DGKK: variants seen among roughly 807,000 people sequenced by gnomAD.
The protein encoded by DGKK is diacylglycerol kinase kappa.
A neutral mutation model predicts 92.2 loss-of-function variants in DGKK; 35 were observed. The observed-to-expected ratio is 0.38, with a 90% confidence interval of 0.29 to 0.50. The LOEUF (loss-of-function observed/expected upper bound fraction) is 0.50. Ranked by LOEUF, DGKK falls within the 20% of genes least tolerant of loss-of-function variation. DGKK has a pLI of 0.92. For synonymous variants in DGKK, 368 were observed against 360.6 expected, an observed-to-expected ratio of 1.02 and a Z score of -0.23; for missense variants, 910 against 992.2, an observed-to-expected ratio of 0.92 and a Z score of 1.11.
At position 50,375,065 on chromosome X, in the gene DGKK, G is replaced by A. The variant is rs1557223673; in HGVS notation, c.3415-8C>T. On this transcript the variant is annotated splice_region_variant and splice_polypyrimidine_tract_variant and intron_variant, in intron 24 of 27. Transcript: ENST00000611977. ...ATCATTTCTGCTTAGAGTCTGAGAG[G>A]AAAAGAACGGAAAAGGAGAGAAAAA... 8.6e-7 allele frequency: 1 copy of A among 1,160,543 alleles called. No individual in the cohort carries two copies. Among genetic ancestry groups the A allele is most frequent in the Admixed American group, 2.2e-5 (1 of 45,136 alleles).
Position 50,470,197 on chromosome X carries a change from A to C in DGKK, c.482T>G (p.Leu161Arg). 1 of 1,211,797 alleles carries C rather than the reference A, an allele frequency of 8.3e-7. No homozygotes were observed. The highest frequency in any genetic ancestry group is 1.1e-6 in the Non-Finnish European group (1 of 895,406). The change falls in exon 1 of 28, where the codon CTG (leucine) becomes CGG (arginine). Residue 161 changes from leucine (L) to arginine (R), a missense_variant. By Grantham distance (102) the Leu-to-Arg change is moderately radical. Transcript: ENST00000611977. ...PEPTPEPVTE[L>R]APEFCPEAAP... is the part of the protein sequence containing the mutation. ...CGCCTCAGGGCAGAACTCTGGGGCC[A>C]GCTCTGTCACAGGTTCTGGGGTCGG...
intron 15 of DGKK, 116 bp from the exon 16 acceptor site, chrX:50,384,940 A>G: frequency 1.9e-6 from 1 of 539,845 alleles, no homozygotes. Flanking sequence ...TTGAACATTT[A>G]TCGAGCATCT....
intron 3 of DGKK, among the ~76,000 whole-genome samples, chrX:50,421,994 ATCT>A (rs1243084150): frequency 1.8e-5 from 2 of 112,061 alleles, no homozygotes; most frequent in Admixed American, 9.4e-5. Context: ...TCCCTAGAAA[ATCT>A]TCTGCTTTCT....
intron 1 of DGKK, among the ~76,000 whole-genome samples, chrX:50,425,783 T>C (rs782393891): frequency 3.6e-5 from 4 of 111,623 alleles, no homozygotes; most frequent in African/African-American, 6.5e-5. Flanking sequence ...TAAGATCTTG[T>C]GGGAAGGAGG....
intron 12 of DGKK, among the ~76,000 whole-genome samples, chrX:50,389,287 T>G (rs983130864): frequency 1.8e-5 from 2 of 112,307 alleles, no homozygotes; most frequent in Non-Finnish European, 3.8e-5. Flanking sequence ...ATAATTCTAT[T>G]TTTTGAGTAT....
chrX:50,447,710 T>C (rs1926401574), intron 1 of DGKK, among the ~76,000 whole-genome samples: 2 of 107,405 alleles, frequency 1.9e-5, no homozygotes, highest in African/African-American at 6.7e-5. Flanking sequence ...ATTTAACCAA[T>C]TTCTGTTATT....
rs782575302 is a variant in DGKK at position 50,404,175 on chromosome X, C to T, written c.952G>A (p.Ala318Thr). 2.5e-6 allele frequency: 3 copies of T among 1,204,105 alleles called. No homozygotes were observed. The highest frequency in any genetic ancestry group is 3.6e-5 in the South Asian group (2 of 55,288). ...CCAACAAGAAAAGGGTTGTTTTCTG[C>T]TGCAGGTATCTAAAATAAATAAACG... is the stretch of plus-strand genomic sequence containing the variant. ...QQGEIYKIPAAENNPFLVGMH... is the reference protein window; with the variant it reads ...QQGEIYKIPATENNPFLVGMH... Residue 318 changes from alanine to threonine, a missense_variant, in exon 5 of 28, where the codon GCA becomes ACA. Transcript: ENST00000611977.
At chrX:50,416,108 A>G (rs1925428411) in intron 4 of DGKK, among the ~76,000 whole-genome samples, 1 of 111,294 alleles carries the variant, frequency 9.0e-6, no homozygotes, top group East Asian at 2.8e-4. Flanking sequence ...ATGAGGATAC[A>G]ATCAGAAGAC....
chrX:50,404,087 C>G lies in DGKK; in HGVS notation c.1040G>C (p.Ser347Thr), dbSNP rs1569544534. The part of the protein sequence containing the change: ...RTQHCNVCRE[S>T]IPALSRDAII... ...GGCATCTCTAGATAAGGCAGGAATG[C>G]TCTCTCGACAAACATTGCAGTGCTG... The change falls in exon 5 of 28, where the codon AGC (serine) becomes ACC (threonine). Residue 347 changes from serine (S) to threonine (T), a missense_variant. Coordinates refer to ENST00000611977, the MANE Select transcript of DGKK (RefSeq NM_001013742.4). 8.3e-7 allele frequency: 1 copy of G among 1,211,163 alleles called. No individual in the cohort carries two copies. The highest frequency in any genetic ancestry group is 3.0e-5 in the East Asian group (1 of 33,814).
chrX:50,406,769 C>T (rs1326645937), intron 4 of DGKK, among the ~76,000 whole-genome samples: 1 of 112,167 alleles, frequency 8.9e-6, no homozygotes, highest in Admixed American at 9.4e-5. Flanking sequence ...CTTCTAGACT[C>T]TAAAACTGTG....
intron 8 of DGKK, among the ~76,000 whole-genome samples, chrX:50,393,700 G>A (rs1924761890): frequency 8.9e-6 from 1 of 111,879 alleles, no homozygotes; most frequent in Non-Finnish European, 1.9e-5. Context: ...GTAAAACTGT[G>A]AGGAAACTGA....
intron 1 of DGKK, among the ~76,000 whole-genome samples, chrX:50,437,591 T>G (rs892700847): frequency 1.8e-5 from 2 of 110,670 alleles, no homozygotes; most frequent in Non-Finnish European, 3.8e-5. Context: ...TGATAGCATA[T>G]CCAGAAGGGC....
intron 25 of DGKK, among the ~76,000 whole-genome samples, chrX:50,373,992 C>A (rs1924205720): frequency 8.9e-6 from 1 of 111,789 alleles, no homozygotes; most frequent in Non-Finnish European, 1.9e-5. Flanking sequence ...ATATACAACA[C>A]CCTGGAGAGG....
intron 1 of DGKK, among the ~76,000 whole-genome samples, chrX:50,444,183 GT>G (rs1926233707): frequency 9.0e-6 from 1 of 111,716 alleles, no homozygotes; most frequent in South Asian, 3.7e-4. Flanking sequence ...GCCCAAGAGT[GT>G]AATTGCTGGG....
At chrX:50,428,021 T>C (rs936748471) in intron 1 of DGKK, among the ~76,000 whole-genome samples, 4 of 110,213 alleles carry the variant, frequency 3.6e-5, no homozygotes. Context: ...AGTGGTTGTT[T>C]GAGTTCTTTA....
At chrX:50,400,552 T>C (rs1485441429) in intron 8 of DGKK, among the ~76,000 whole-genome samples, 1 of 112,167 alleles carries the variant, frequency 8.9e-6, no homozygotes, top group African/African-American at 3.2e-5. Context: ...TTCTGTAGCC[T>C]TCAGACACCT....
intron 1 of DGKK, among the ~76,000 whole-genome samples, chrX:50,435,626 T>C (rs1557230683): frequency 8.9e-6 from 1 of 111,916 alleles, no homozygotes; most frequent in African/African-American, 3.3e-5. Context: ...GTTGGTTCTG[T>C]TTGCTTCTTG....
At chrX:50,439,405 T>C (rs1557231110) in intron 1 of DGKK, among the ~76,000 whole-genome samples, 2 of 111,613 alleles carry the variant, frequency 1.8e-5, no homozygotes, top group African/African-American at 6.5e-5. Context: ...AAAATACACA[T>C]AATGGCATTC....
chrX:50,424,148 T>A, intron 2 of DGKK, 100 bp downstream of exon 2: 1 of 751,877 alleles, frequency 1.3e-6, no homozygotes, highest in Non-Finnish European at 1.9e-6. Context: ...ACTTCCACCC[T>A]AATGTTTGCT....
Sources: allele counts gnomAD v4.1 joint callset (sites outside exome capture counted in the v4.1 genomes callset), GRCh38; gene constraint gnomAD v4.1.1; transcripts MANE v1.5; gene names NCBI Gene and HGNC (gene_info 2026-07-23, HGNC 2026-07-21).